The following FOXP1 variants were observed in gnomAD, a reference collection of about 807,000 sequenced individuals.
FOXP1 encodes forkhead box P1.
FOXP1 carries 15 observed loss-of-function variants against 98.2 expected under a neutral mutation model. That is an observed-to-expected ratio of 0.15 (90% CI 0.10 to 0.24). The LOEUF is 0.24. Ranked by LOEUF, FOXP1 falls within the 10% of genes least tolerant of loss-of-function variation. FOXP1 has a pLI of 1.00. For synonymous variants in FOXP1, 371 were observed against 314.5 expected (o/e 1.18, Z -1.90); for missense variants, 633 against 848.5 (o/e 0.75, Z 3.15).
chr3:71,141,047 T>C (rs576093881), intron 6 of FOXP1, among the ~76,000 whole-genome samples: 1 of 151,836 alleles, frequency 6.6e-6, no homozygotes, highest in African/African-American at 2.4e-5. Context: ...GGTGGGTGGA[T>C]CACGAGGTCA....
intron 5 of FOXP1, among the ~76,000 whole-genome samples, chr3:71,237,812 T>C (rs562226370): frequency 1.3e-5 from 2 of 152,266 alleles, no homozygotes; most frequent in South Asian, 2.1e-4. Context: ...CCTGTCAAGA[T>C]AACAGTAAGG....
At chr3:71,484,655 C>T (rs952732162) in intron 3 of FOXP1, among the ~76,000 whole-genome samples, 1 of 152,076 alleles carries the variant, frequency 6.6e-6, no homozygotes. Flanking sequence ...GTGACATGGT[C>T]GGGGTTACGG....
intron 3 of FOXP1, among the ~76,000 whole-genome samples, chr3:71,465,286 A>G (rs550874494): frequency 4.0e-5 from 6 of 149,964 alleles, no homozygotes; most frequent in Non-Finnish European, 7.4e-5. Flanking sequence ...CAGCCTGGGC[A>G]ACAAGAGTGA....
chr3:71,529,960 G>T (rs1269599178), intron 2 of FOXP1, among the ~76,000 whole-genome samples: 1 of 152,118 alleles, frequency 6.6e-6, no homozygotes, highest in Non-Finnish European at 1.5e-5. Context: ...TAGCCGGTGG[G>T]TCAGAAGCAT....
In FOXP1 at chr3:71,457,344, T is replaced by C. The variant is rs2087602311; in HGVS notation, c.-168+36082A>G. ...CTAGAACTTCTAGGTAAATTACAAT[T>C]ACTGTGCTATATTGCAATTTTACTA... On this transcript the variant is annotated intron_variant, in intron 3 of 20. Coordinates refer to ENST00000649528, the MANE Select transcript of FOXP1 (RefSeq NM_001349338.3). Among the ~76,000 whole-genome samples the C allele has an allele frequency of 7.2e-5, 11 of 152,142 alleles. No homozygotes were observed. In the South Asian group the frequency reaches 2.1e-3, roughly 29 times the overall value.
intron 6 of FOXP1, among the ~76,000 whole-genome samples, chr3:71,149,365 GT>G (rs1338313872): frequency 3.9e-5 from 6 of 152,092 alleles, no homozygotes; most frequent in Admixed American, 3.9e-4. Flanking sequence ...AAAGTACATT[GT>G]TTTTTTCTTT....
At chr3:71,274,617 T>C (rs1331855895) in intron 5 of FOXP1, among the ~76,000 whole-genome samples, 1 of 152,220 alleles carries the variant, frequency 6.6e-6, no homozygotes, top group South Asian at 2.1e-4. Context: ...TTATATGGCA[T>C]GCAACTAAAA....
At chr3:71,449,113 A>G (rs1457989272) in intron 3 of FOXP1, among the ~76,000 whole-genome samples, 1 of 152,228 alleles carries the variant, frequency 6.6e-6, no homozygotes, top group South Asian at 2.1e-4. Context: ...ATTCATTGTC[A>G]TTATTAAATT....
chr3:71,229,842 T>C (rs746641201), intron 5 of FOXP1, among the ~76,000 whole-genome samples: 47 of 152,146 alleles, frequency 3.1e-4, no homozygotes, highest in Non-Finnish European at 6.3e-4. Flanking sequence ...CAAGAGCTAA[T>C]CTGCACTGAC....
chr3:71,380,030 A>T (rs541394663), intron 3 of FOXP1, among the ~76,000 whole-genome samples: 1 of 152,324 alleles, frequency 6.6e-6, no homozygotes, highest in East Asian at 1.9e-4. Context: ...TGGTATTTAG[A>T]TCAACATCGT....
rs183221213 is a variant in FOXP1 at position 71,471,334 on chromosome 3, A to G, written c.-168+22092T>C. ...CATACACCAAAAATTAATTATATGT[A>G]TATAATTATAAACTTTGACAAGTGT... On this transcript the variant is annotated intron_variant, in intron 3 of 20. Coordinates refer to ENST00000649528, the MANE Select transcript of FOXP1 (RefSeq NM_001349338.3). 2.9e-3 allele frequency among the ~76,000 whole-genome samples: 448 copies of G among 151,974 alleles called. 2 individuals carry two copies. The highest frequency in any genetic ancestry group is 0.013 in the South Asian group (62 of 4,820).
chr3:70,955,617 T>G lies in FOXP1; in HGVS notation c.*3630A>C, dbSNP rs2031585119. On this transcript the variant is annotated 3_prime_UTR_variant, in exon 21 of 21. Coordinates refer to ENST00000649528, the MANE Select transcript of FOXP1 (RefSeq NM_001349338.3). Reference sequence around the variant, plus strand: ...GTTCAATAGTTTTGACACTCCCCATTGTTAATCACTACTTCACTGATAAAC... The same window carrying G: ...GTTCAATAGTTTTGACACTCCCCATGGTTAATCACTACTTCACTGATAAAC... 4.3e-6 allele frequency: 1 copy of G among 233,364 alleles called. No homozygotes were observed. The highest frequency in any genetic ancestry group is 8.5e-6 in the Non-Finnish European group (1 of 117,986). 14.5% of individuals were successfully genotyped at this position (233,364 alleles called of 1,614,324 possible).
At chr3:70,960,759 G>A (rs2033200423) in intron 20 of FOXP1, among the ~76,000 whole-genome samples, 1 of 151,972 alleles carries the variant, frequency 6.6e-6, no homozygotes, top group Non-Finnish European at 1.5e-5. Context: ...TTGAAGACAG[G>A]AACCTTCAGA....
chr3:71,395,248 G>A (rs1430057909), intron 3 of FOXP1, among the ~76,000 whole-genome samples: 1 of 151,310 alleles, frequency 6.6e-6, no homozygotes, highest in African/African-American at 2.4e-5. Context: ...TAGCATTAAA[G>A]TAATAGGTAG....
chr3:71,458,883 C>A (rs1469780234), intron 3 of FOXP1, among the ~76,000 whole-genome samples: 1 of 152,226 alleles, frequency 6.6e-6, no homozygotes, highest in African/African-American at 2.4e-5. Context: ...ACAGCACTGA[C>A]AGTCACAAAG....
intron 5 of FOXP1, among the ~76,000 whole-genome samples, chr3:71,256,628 T>G (rs925076961): frequency 5.3e-5 from 8 of 152,138 alleles, no homozygotes; most frequent in African/African-American, 1.9e-4. Flanking sequence ...ATGATTCACC[T>G]GCCTCGGCCT....
intron 6 of FOXP1, among the ~76,000 whole-genome samples, chr3:71,116,304 A>T (rs371633442): frequency 1.3e-3 from 196 of 152,222 alleles, no homozygotes; most frequent in African/African-American, 4.0e-3. Context: ...ACCATCTCAT[A>T]CAGAGGCCCA....
intron 12 of FOXP1, among the ~76,000 whole-genome samples, chr3:71,009,155 C>CGGGGA (rs1553689941): frequency 9.6e-5 from 2 of 20,764 alleles, no homozygotes; most frequent in African/African-American, 2.4e-4. Context: ...ATCATGGGGG[C>CGGGGA]GGGGGGGGGG....
intron 2 of FOXP1, among the ~76,000 whole-genome samples, chr3:71,533,991 G>A (rs940808667): frequency 6.6e-6 from 1 of 152,192 alleles, no homozygotes; most frequent in African/African-American, 2.4e-5. Context: ...TTGTCCGTCT[G>A]TATATTGGGG....
Sources: gnomAD v4.1 joint callset for allele counts (sites outside exome capture counted in the v4.1 genomes callset) on GRCh38, gnomAD v4.1.1 for gene constraint, MANE v1.5 for transcripts, NCBI Gene and HGNC (gene_info 2026-07-23, HGNC 2026-07-21) for gene names.